Variants in GPC6 observed in about 807,000 individuals in gnomAD.
GPC6 encodes the protein glypican-6.
Under a neutral mutation model 55.2 loss-of-function variants are expected in GPC6, and 14 were observed. That is an observed-to-expected ratio of 0.25 (90% CI 0.17 to 0.40). The LOEUF is 0.40. Among genes scored for constraint, GPC6 ranks in the 10% least tolerant of loss-of-function variants. GPC6 has a pLI of 1.00. For missense variants in GPC6, 641 were observed against 708.5 expected, an observed-to-expected ratio of 0.90 and a Z score of 1.08; for synonymous variants, 278 against 259.6, an observed-to-expected ratio of 1.07 and a Z score of -0.68.
intron 2 of GPC6, among the ~76,000 whole-genome samples, chr13:93,823,267 TC>T (rs1434107900): frequency 6.6e-6 from 1 of 152,184 alleles, no homozygotes; most frequent in Non-Finnish European, 1.5e-5. Context: ...TTATAATGCT[TC>T]CCATTAATTA....
At chr13:93,271,165 C>T (rs549220599) in intron 1 of GPC6, among the ~76,000 whole-genome samples, 2 of 152,064 alleles carry the variant, frequency 1.3e-5, no homozygotes, top group East Asian at 1.9e-4. Context: ...AGAGGCCTGG[C>T]GTATTCTAAC....
intron 2 of GPC6, among the ~76,000 whole-genome samples, chr13:93,627,405 A>G (rs2139566299): frequency 6.6e-6 from 1 of 152,304 alleles, no homozygotes; most frequent in South Asian, 2.1e-4. Flanking sequence ...TCATGAGGAC[A>G]GCTCCTAGGG....
chr13:94,165,237 TATATATGTATAC>T (rs1369236669), intron 4 of GPC6, among the ~76,000 whole-genome samples: 11 of 148,196 alleles, frequency 7.4e-5, no homozygotes, highest in East Asian at 5.9e-4. Context: ...ACTATTCATA[TATATATGTATAC>T]ATATATGTAT....
chr13:93,992,234 A>G (rs910478948), intron 3 of GPC6, among the ~76,000 whole-genome samples: 1 of 151,328 alleles, frequency 6.6e-6, no homozygotes, highest in African/African-American at 2.4e-5. Context: ...GTTTGTTTTT[A>G]TAGGTCCTGC....
At position 93,765,523 on chromosome 13, in the gene GPC6, C is replaced by T. The variant is rs546940954; in HGVS notation, c.320-64631C>T. Among the ~76,000 whole-genome samples, 11 of 152,144 alleles carry T rather than the reference C, an allele frequency of 7.2e-5. No individual in the cohort carries two copies. The South Asian group carries it at 1.2e-3, about 17-fold the overall frequency. On this transcript the variant is annotated intron_variant, in intron 2 of 8. Coordinates refer to ENST00000377047, the MANE Select transcript of GPC6 (RefSeq NM_005708.5). Reference sequence around the variant, plus strand: ...ATGAGATGAGTTTAACTTACATTTTCACTTCTGTGCCTTCTAGAAAATAGA... The same window carrying T: ...ATGAGATGAGTTTAACTTACATTTTTACTTCTGTGCCTTCTAGAAAATAGA...
At chr13:94,399,907 T>C (rs1356495461) in intron 8 of GPC6, among the ~76,000 whole-genome samples, 3 of 152,200 alleles carry the variant, frequency 2.0e-5, no homozygotes, top group Admixed American at 1.3e-4. Flanking sequence ...ACACCTCTCA[T>C]TTTATCCATT....
At chr13:94,344,566 T>C (rs1447451045) in intron 6 of GPC6, among the ~76,000 whole-genome samples, 1 of 152,270 alleles carries the variant, frequency 6.6e-6, no homozygotes, top group East Asian at 1.9e-4. Context: ...TCATGACTGA[T>C]AATTTTACTC....
chr13:93,906,949 T>C (rs1159000078), intron 3 of GPC6, among the ~76,000 whole-genome samples: 2 of 152,204 alleles, frequency 1.3e-5, no homozygotes, highest in Non-Finnish European at 2.9e-5. Flanking sequence ...TAATGTTTTT[T>C]GAATGCCTGT....
chr13:94,005,168 G>A (rs981795189), intron 3 of GPC6, among the ~76,000 whole-genome samples: 1 of 152,112 alleles, frequency 6.6e-6, no homozygotes, highest in Non-Finnish European at 1.5e-5. Flanking sequence ...GGAGGTATGG[G>A]AAATGACATT....
At chr13:94,273,940 A>G (rs1156896514) in intron 4 of GPC6, among the ~76,000 whole-genome samples, 3 of 152,304 alleles carry the variant, frequency 2.0e-5, no homozygotes, top group African/African-American at 4.8e-5. Context: ...ATCAACAATA[A>G]AAATTTAAAT....
At chr13:94,122,205 A>C (rs189776216) in intron 4 of GPC6, among the ~76,000 whole-genome samples, 221 of 152,182 alleles carry the variant, frequency 1.5e-3, no homozygotes, top group African/African-American at 5.0e-3. Flanking sequence ...AATATAGAGA[A>C]TACACCTGAT....
intron 3 of GPC6, among the ~76,000 whole-genome samples, chr13:93,906,026 G>T (rs947503440): frequency 2.6e-5 from 4 of 152,086 alleles, no homozygotes; most frequent in African/African-American, 9.7e-5. Context: ...TAGGTTGGAG[G>T]CAACAGAAAC....
intron 4 of GPC6, among the ~76,000 whole-genome samples, chr13:94,241,640 G>C (rs1250782926): frequency 2.0e-5 from 3 of 152,120 alleles, no homozygotes; most frequent in Non-Finnish European, 2.9e-5. Flanking sequence ...GTTGTACCCA[G>C]AAGCTAAAAC....
intron 4 of GPC6, among the ~76,000 whole-genome samples, chr13:94,229,286 G>A (rs929229531): frequency 8.5e-5 from 13 of 152,248 alleles, no homozygotes; most frequent in African/African-American, 3.1e-4. Flanking sequence ...AGAAAGGCAG[G>A]ATAGGGAATA....
chr13:94,392,415 A>ATTTTTTTTTTTTTTTTTTTTTT (rs59173357), intron 7 of GPC6, among the ~76,000 whole-genome samples: 1 of 105,682 alleles, frequency 9.5e-6, no homozygotes, highest in Non-Finnish European at 1.9e-5. Context: ...TCTATTTTTA[A>ATTTTTTTTTTTTTTTTTTTTTT]TTTTTTTTTT....
chr13:93,820,930 C>T (rs1887024433), intron 2 of GPC6, among the ~76,000 whole-genome samples: 1 of 152,102 alleles, frequency 6.6e-6, no homozygotes, highest in Admixed American at 6.5e-5. Flanking sequence ...CACATTTTAA[C>T]ATATGAAAAT....
intron 5 of GPC6, among the ~76,000 whole-genome samples, chr13:94,304,632 C>G (rs928884145): frequency 6.6e-6 from 1 of 152,202 alleles, no homozygotes; most frequent in Non-Finnish European, 1.5e-5. Context: ...GAAAATGTTA[C>G]TGCATTTCCT....
At chr13:93,680,702 A>G (rs1231087596) in intron 2 of GPC6, among the ~76,000 whole-genome samples, 2 of 152,170 alleles carry the variant, frequency 1.3e-5, no homozygotes, top group African/African-American at 4.8e-5. Context: ...TCTCATTTCA[A>G]AGCAACTGAC....
intron 4 of GPC6, among the ~76,000 whole-genome samples, chr13:94,133,672 A>T (rs1887083645): frequency 1.3e-5 from 2 of 151,868 alleles, no homozygotes; most frequent in South Asian, 4.2e-4. Flanking sequence ...AGTGGAGAGG[A>T]TGAGAAAGTG....
Sources: gnomAD v4.1 joint callset for allele counts (sites outside exome capture counted in the v4.1 genomes callset) on GRCh38, gnomAD v4.1.1 for gene constraint, MANE v1.5 for transcripts, NCBI Gene and HGNC (gene_info 2026-07-23, HGNC 2026-07-21) for gene names.